Variants in SCN1A observed in about 807,000 individuals in gnomAD.
The protein encoded by SCN1A is sodium voltage-gated channel alpha subunit 1.
A neutral mutation model predicts 193.7 loss-of-function variants in SCN1A; 13 were observed. The ratio of observed to expected loss-of-function variants is 0.07; its 90% CI spans 0.04 to 0.11. The LOEUF (loss-of-function observed/expected upper bound fraction) is 0.11. SCN1A is among the 10% of genes least tolerant of loss of function. The pLI is 1.00. For missense variants in SCN1A, 1,432 were observed against 2,451.1 expected, an observed-to-expected ratio of 0.58 and a Z score of 8.78; for synonymous variants, 781 against 843.6, an observed-to-expected ratio of 0.93 and a Z score of 1.29.
chr2:166,121,264 T>A (rs1016486510), intron 2 of SCN1A, among the ~76,000 whole-genome samples: 1 of 152,234 alleles, frequency 6.6e-6, no homozygotes, highest in Non-Finnish European at 1.5e-5. Flanking sequence ...GCTCCTGGCA[T>A]TTTTCAGTCT....
intron 10 of SCN1A, 58 bp from the exon 11 acceptor site, chr2:166,047,826 A>G: frequency 1.2e-6 from 2 of 1,604,202 alleles, no homozygotes; most frequent in Non-Finnish European, 1.7e-6. Context: ...TTACTCTGAT[A>G]CTATGCTATG....
intron 19 of SCN1A, among the ~76,000 whole-genome samples, chr2:166,022,514 T>C (rs1694209410): frequency 6.6e-6 from 1 of 152,194 alleles, no homozygotes; most frequent in Non-Finnish European, 1.5e-5. Flanking sequence ...GAATCTCTTC[T>C]TTATGTCTGC....
chr2:166,107,495 T>C (rs1191099280), intron 2 of SCN1A, among the ~76,000 whole-genome samples: 1 of 152,192 alleles, frequency 6.6e-6, no homozygotes, highest in Non-Finnish European at 1.5e-5. Flanking sequence ...ATACAGAATA[T>C]GTTACAGTAT....
chr2:166,041,882 T>C (rs1438150240), intron 15 of SCN1A, among the ~76,000 whole-genome samples: 1 of 152,152 alleles, frequency 6.6e-6, no homozygotes, highest in East Asian at 1.9e-4. Flanking sequence ...AGAATCATCT[T>C]TTTAGCTTGT....
At chr2:166,135,414 C>A (rs1162536138) in intron 1 of SCN1A, among the ~76,000 whole-genome samples, 1 of 152,162 alleles carries the variant, frequency 6.6e-6, no homozygotes, top group Non-Finnish European at 1.5e-5. Context: ...CTGTCAACAT[C>A]TTTTTCCTTT....
intron 19 of SCN1A, among the ~76,000 whole-genome samples, chr2:166,034,480 T>C (rs183142053): frequency 9.2e-5 from 14 of 152,352 alleles, no homozygotes; most frequent in Non-Finnish European, 1.9e-4. Context: ...GTCTTTAATG[T>C]ATTCAATCCT....
At chr2:166,050,559 C>G (rs1903439) in intron 9 of SCN1A, among the ~76,000 whole-genome samples, 68,307 of 140,958 alleles carry the variant, frequency 0.48, 17,232 homozygotes, top group East Asian at 0.56. Flanking sequence ...GTATCACCAG[C>G]TACTAAGGAG....
intron 19 of SCN1A, among the ~76,000 whole-genome samples, chr2:166,022,983 T>C (rs1409674845): frequency 1.3e-5 from 2 of 152,150 alleles, no homozygotes; most frequent in African/African-American, 4.8e-5. Context: ...GATAGTATAA[T>C]TGATTTGGCA....
Position 166,009,804 on chromosome 2 carries a change from T to C in SCN1A, c.3917A>G (p.Tyr1306Cys). 6.2e-7 allele frequency: 1 copy of C among 1,607,308 alleles called. No individual in the cohort carries two copies. Among genetic ancestry groups the C allele is most frequent in the South Asian group, 1.1e-5 (1 of 90,962 alleles). The change falls in exon 23 of 29, where the codon TAC becomes TGC. Residue 1306 changes from tyrosine to cysteine, a missense_variant. Physicochemically the swap from Tyr to Cys is radical, Grantham distance 194. Coordinates refer to ENST00000674923, the MANE Select transcript of SCN1A (RefSeq NM_001165963.4). ...AGATTTGATGGCTCCAAGTTCTGAG[T>C]AACCCAAGGCATTTGCTGTTAAACT... ...LVSLTANALG[Y>C]SELGAIKSLR... is the part of the protein sequence containing the mutation.
chr2:166,083,598 C>T (rs959583316), intron 2 of SCN1A, among the ~76,000 whole-genome samples: 10 of 151,762 alleles, frequency 6.6e-5, no homozygotes, highest in African/African-American at 2.4e-4. Flanking sequence ...TCAGATCTGC[C>T]ATAGTTTATT....
chr2:166,111,442 A>G (rs115972331), intron 2 of SCN1A, among the ~76,000 whole-genome samples: 2,230 of 152,146 alleles, frequency 0.015, 62 homozygotes, highest in African/African-American at 0.049. Context: ...CTGCTCAGAA[A>G]AAAAAAAAAG....
rs759815616 is a variant in SCN1A, at chr2:166,044,056, G to A, written c.1663-7C>T. The A allele has an allele frequency of 6.8e-6, 11 of 1,613,910 alleles. No homozygotes were observed. Among genetic ancestry groups the A allele is most frequent in the African/African-American group, 6.7e-5 (5 of 74,906 alleles). ...CACGGATGCTCAACAAAGACTAGAA[G>A]TTTGAAAGAGCAAACAAATAAAGTC... On this transcript the variant is annotated splice_polypyrimidine_tract_variant and splice_region_variant and intron_variant, in intron 13 of 28. Transcript: ENST00000674923.
chr2:166,020,381 A>C (rs1434499498), intron 19 of SCN1A, among the ~76,000 whole-genome samples: 3 of 152,220 alleles, frequency 2.0e-5, no homozygotes, highest in Non-Finnish European at 4.4e-5. Context: ...ACTTACTTAC[A>C]AAATTAATGA....
At chr2:166,051,409 T>C (rs1180066253) in intron 9 of SCN1A, among the ~76,000 whole-genome samples, 1 of 152,188 alleles carries the variant, frequency 6.6e-6, no homozygotes, top group East Asian at 1.9e-4. Flanking sequence ...TATGTAATCA[T>C]TTAAAAATAT....
chr2:165,997,967 A>G, intron 26 of SCN1A, 71 bp downstream of exon 26: 2 of 1,261,980 alleles, frequency 1.6e-6, no homozygotes, highest in South Asian at 1.2e-5. Flanking sequence ...TCAAGTACTC[A>G]TTTGGCAGAG....
At chr2:166,067,289 G>T (rs1040651317) in intron 4 of SCN1A, among the ~76,000 whole-genome samples, 1 of 152,014 alleles carries the variant, frequency 6.6e-6, no homozygotes. Flanking sequence ...TGATAAAAAT[G>T]AATAATAATA....
At chr2:166,037,073 A>T (rs1318914895) in intron 18 of SCN1A, among the ~76,000 whole-genome samples, 2 of 152,208 alleles carry the variant, frequency 1.3e-5, no homozygotes, top group African/African-American at 4.8e-5. Context: ...ATAATCTCTC[A>T]TATTTCCATG....
chr2:166,008,643 C>A (rs986617681), intron 23 of SCN1A, among the ~76,000 whole-genome samples: 2 of 151,008 alleles, frequency 1.3e-5, no homozygotes, highest in East Asian at 3.9e-4. Context: ...TTAGGGAAAT[C>A]GAAGACAAGT....
chr2:166,039,377 T>A (rs768586254), intron 17 of SCN1A, 46 bp downstream of exon 17: 7 of 1,587,848 alleles, frequency 4.4e-6, no homozygotes, highest in Non-Finnish European at 5.2e-6. Context: ...GAACCCTGAT[T>A]GTTAGAAAGG....
Sources: allele counts gnomAD v4.1 joint callset (sites outside exome capture counted in the v4.1 genomes callset), GRCh38; gene constraint gnomAD v4.1.1; transcripts MANE v1.5; gene names NCBI Gene and HGNC (gene_info 2026-07-23, HGNC 2026-07-21).